The following INTS11 variants were observed in gnomAD, a reference collection of about 807,000 sequenced individuals.
INTS11 encodes the protein integrator complex subunit 11, also known as CPSF3-like protein.
A neutral mutation model predicts 78.6 loss-of-function variants in INTS11; 77 were observed. The ratio of observed to expected loss-of-function variants is 0.98; its 90% CI spans 0.81 to 1.18. The LOEUF (loss-of-function observed/expected upper bound fraction) is 1.18. Among genes scored for constraint, INTS11 ranks in the 50% most tolerant of loss-of-function variants. The pLI, the probability that INTS11 is intolerant of heterozygous loss-of-function variation, is 0.00. For synonymous variants in INTS11, 441 were observed against 326.9 expected (o/e 1.35, Z -3.77); for missense variants, 875 against 825.9 (o/e 1.06, Z -0.73).
intron 1 of INTS11, chr1:1,321,908 C>CA: frequency 7.5e-7 from 1 of 1,331,378 alleles, no homozygotes; most frequent in South Asian, 1.9e-5. Flanking sequence ...TCCCACCCAC[C>CA]TCCCCCTGCC....
In INTS11 at chr1:1,314,677, A is replaced by G. The variant is rs1296329948; in HGVS notation, c.702+147T>C. On this transcript the variant is annotated intron_variant, in intron 7 of 16. Coordinates refer to ENST00000435064, the MANE Select transcript of INTS11 (RefSeq NM_017871.6). The surrounding 1 kb of genome is among the most constrained non-coding windows in gnomAD (Gnocchi z 4.2). Reference sequence around the variant, plus strand: ...AAGGGTCTCTGAGTTTTCCTCCTCAATGTTGAGCAAATCTTCTTCCCTCCC... The same window carrying G: ...AAGGGTCTCTGAGTTTTCCTCCTCAGTGTTGAGCAAATCTTCTTCCCTCCC... The G allele has an allele frequency of 1.9e-6, 2 of 1,036,514 alleles. No homozygotes were observed. Among genetic ancestry groups the G allele is most frequent in the South Asian group, 3.2e-5 (2 of 63,112 alleles). The allele number at this position is 1,036,514 out of a possible 1,614,324, so 64.2% of individuals were successfully genotyped here. A position where few individuals can be genotyped will look rare whatever the true frequency, so the allele number is the denominator to read the frequency against.
At chr1:1,313,479 C>G (rs1222637187) in intron 10 of INTS11, 30 bp downstream of exon 10, 3 of 1,612,236 alleles carry the variant, frequency 1.9e-6, no homozygotes, top group South Asian at 1.1e-5. Context: ...CCTCCAGCTT[C>G]CAGATTCCCA....
intron 2 of INTS11, chr1:1,320,792 T>C (rs1406833125): frequency 5.6e-6 from 4 of 714,930 alleles, no homozygotes; most frequent in Non-Finnish European, 2.5e-6. Flanking sequence ...ACCCCGGGGC[T>C]GGGGCTCAGC....
rs1642821211 is a variant in INTS11 at position 1,319,514 on chromosome 1, G to C, written c.211C>G (p.Leu71Val). 1 of 1,578,840 alleles carries C rather than the reference G, an allele frequency of 6.3e-7. No homozygotes were observed. ...TAGGGGAGTGCCCCGCAGTGGTCCAGGTGGAAGTGGCTAGGGGGACGCAGC... is the reference window on the plus strand; with the variant it reads ...TAGGGGAGTGCCCCGCAGTGGTCCACGTGGAAGTGGCTAGGGGGACGCAGC... ...LDCVIISHFH[L>V]DHCGALPYFS... Residue 71 changes from leucine to valine, a missense_variant, in exon 4 of 17, where the codon CTG becomes GTG. Physicochemically the swap from Leu to Val is conservative, Grantham distance 32 (BLOSUM62 1). Transcript: ENST00000435064.
At position 1,314,959 on chromosome 1, in the gene INTS11, A is replaced by G; in HGVS notation, c.567T>C (p.Ala189=). ...YNMTPDRHLG[A]AWIDKCRPNL... Reference sequence around the variant, plus strand: ...TGGGGCGGCACTTGTCAATCCAGGCAGCTCTGGAACACGGGGGTGGGGGTG... The same window carrying G: ...TGGGGCGGCACTTGTCAATCCAGGCGGCTCTGGAACACGGGGGTGGGGGTG... The change falls in exon 7 of 17, where the codon GCT becomes GCC. Residue 189 remains alanine, a synonymous_variant. Transcript: ENST00000435064. The surrounding 1 kb of genome is among the most constrained non-coding windows in gnomAD (Gnocchi z 4.2). 1 of 1,612,258 alleles carries G rather than the reference A, an allele frequency of 6.2e-7. No individual in the cohort carries two copies. Among genetic ancestry groups the G allele is most frequent in the South Asian group, 1.1e-5 (1 of 91,078 alleles).
Position 1,312,600 on chromosome 1 carries a change from C to T in INTS11, c.1395G>A (p.Met465Ile), listed in dbSNP as rs201141529. The change falls in exon 13 of 17, where the codon ATG becomes ATA. Residue 465 changes from methionine to isoleucine, a missense_variant. Coordinates refer to ENST00000435064, the MANE Select transcript of INTS11 (RefSeq NM_017871.6). ...GISLGLLKRE[M>I]AQGLLPEAKK... Reference sequence around the variant, plus strand: ...CCTGCCCAGCCCGCATACCCTGCGCCATCTCCCGCTTCAGCAGCCCCAGCG... The same window carrying T: ...CCTGCCCAGCCCGCATACCCTGCGCTATCTCCCGCTTCAGCAGCCCCAGCG... The T allele has an allele frequency of 8.3e-6, 13 of 1,573,888 alleles. No individual in the cohort carries two copies. The East Asian group carries it at 1.6e-4, about 19-fold the overall frequency.
In INTS11 at chr1:1,312,208, G is replaced by GGGGC; in HGVS notation, c.1607+17_1607+18insGCCC. The GGGGC allele has an allele frequency of 8.9e-7, 1 of 1,123,370 alleles. No homozygotes were observed. Among genetic ancestry groups the GGGGC allele is most frequent in the Non-Finnish European group, 1.2e-6 (1 of 801,332 alleles). 69.6% of individuals were successfully genotyped at this position (1,123,370 alleles called of 1,614,324 possible). A position where few individuals can be genotyped will look rare whatever the true frequency, so the allele number is the denominator to read the frequency against. The stretch of plus-strand genomic sequence containing the variant: ...CAGGGCCCAAGGGAGTGGGGGGGGG[G>GGGGC]CGGGGCCGGGCGCCCACCTCTTGAG... On this transcript the variant is annotated intron_variant, in intron 15 of 16. Coordinates refer to ENST00000435064, the MANE Select transcript of INTS11 (RefSeq NM_017871.6).
In INTS11 at chr1:1,313,140, G is replaced by C; in HGVS notation, c.1042-16C>G. On this transcript the variant is annotated splice_polypyrimidine_tract_variant and intron_variant, in intron 10 of 16. Transcript: ENST00000435064. ...GCATGATGACCTGGGGGCAGGCACA[G>C]AGCTCACAGCCAGGGAACTCCAGCC... 2 of 1,600,798 alleles carry C rather than the reference G, an allele frequency of 1.2e-6. No homozygotes were observed. Among genetic ancestry groups the C allele is most frequent in the South Asian group, 1.1e-5 (1 of 90,312 alleles).
At chr1:1,322,867 A>G in intron 1 of INTS11, 1 of 1,174,040 alleles carries the variant, frequency 8.5e-7, no homozygotes, top group Non-Finnish European at 1.1e-6. Context: ...GAAGCGGTGA[A>G]ACAGGACTTC....
At chr1:1,316,219 T>A (rs1282350156) in intron 4 of INTS11, 2 of 173,074 alleles carry the variant, frequency 1.2e-5, no homozygotes, top group Non-Finnish European at 1.2e-5. Flanking sequence ...GAAGTGGAGG[T>A]TGCAGTGTAC....
chr1:1,313,815 T>A lies in INTS11; in HGVS notation c.874A>T (p.Lys292Ter). The A allele has an allele frequency of 6.2e-7, 1 of 1,613,522 alleles. No individual in the cohort carries two copies. The highest frequency in any genetic ancestry group is 8.5e-7 in the Non-Finnish European group (1 of 1,179,984). ...FIPWTNQKIR[K>*]TFVQRNMFEF... ...AACATGTTCCTCTGCACGAAAGTCT[T>A]GCGGATCTTCTGGTTGGTCCAGGGG... Residue 292 changes from lysine (K) to a stop codon, truncating the protein, a stop_gained, in exon 9 of 17, where the codon AAG (lysine) becomes TAG (stop). Coordinates refer to ENST00000435064, the MANE Select transcript of INTS11 (RefSeq NM_017871.6). LOFTEE classifies it high-confidence loss of function.
intron 1 of INTS11, chr1:1,321,897 A>AAACCCCCCC: frequency 1.6e-6 from 2 of 1,258,202 alleles, no homozygotes; most frequent in Non-Finnish European, 2.1e-6. Flanking sequence ...TTCCCCTTGA[A>AAACCCCCCC]TCCCACCCAC....
rs781673681 is a variant in INTS11, at chr1:1,312,377, C to T, written c.1465-9G>A. The T allele has an allele frequency of 1.2e-5, 19 of 1,567,082 alleles. No individual in the cohort carries two copies. Among genetic ancestry groups the T allele is most frequent in the Non-Finnish European group, 1.6e-5 (19 of 1,155,552 alleles). On this transcript the variant is annotated splice_polypyrimidine_tract_variant and intron_variant, in intron 14 of 16. Coordinates refer to ENST00000435064, the MANE Select transcript of INTS11 (RefSeq NM_017871.6). Reference sequence around the variant, plus strand: ...GACACCAGCCGGAAGTTCTGTGGGGCAGGGACAGGTCAGTGAGCGCAGCAG... The same window carrying T: ...GACACCAGCCGGAAGTTCTGTGGGGTAGGGACAGGTCAGTGAGCGCAGCAG...
chr1:1,313,785 A>T lies in INTS11; in HGVS notation c.904T>A (p.Phe302Ile), dbSNP rs1435801016. 1 of 1,613,222 alleles carries T rather than the reference A, an allele frequency of 6.2e-7. No individual in the cohort carries two copies. Among genetic ancestry groups the T allele is most frequent in the Non-Finnish European group, 8.5e-7 (1 of 1,179,954 alleles). Residue 302 changes from phenylalanine to isoleucine, a missense_variant, in exon 9 of 17, where the codon TTC becomes ATC. Coordinates refer to ENST00000435064, the MANE Select transcript of INTS11 (RefSeq NM_017871.6). ...KTFVQRNMFE[F>I]KHIKAFDRAF... The stretch of plus-strand genomic sequence containing the variant: ...CGGTCGAAGGCCTTGATGTGCTTGA[A>T]CTCAAACATGTTCCTCTGCACGAAA...
rs771986723 is a variant in INTS11 at position 1,315,285 on chromosome 1, C to T, written c.563+119G>A. 3.9e-4 allele frequency: 498 copies of T among 1,269,656 alleles called. 1 individual carries two copies. Among genetic ancestry groups the T allele is most frequent in the Non-Finnish European group, 5.5e-4 (486 of 885,720 alleles). 78.6% of individuals were successfully genotyped at this position (1,269,656 alleles called of 1,614,324 possible). A position where few individuals can be genotyped will look rare whatever the true frequency, so the allele number is the denominator to read the frequency against. ...CCAGAACGAAGGGGGCTCTCCAGGC[C>T]GCACAGGACATGGGAGACACTGCCA... On this transcript the variant is annotated intron_variant, in intron 6 of 16. Coordinates refer to ENST00000435064, the MANE Select transcript of INTS11 (RefSeq NM_017871.6).
At chr1:1,320,324 C>A in intron 3 of INTS11, 132 bp downstream of exon 3, 1 of 808,764 alleles carries the variant, frequency 1.2e-6, no homozygotes, top group Non-Finnish European at 2.1e-6. Flanking sequence ...GGAGCAGATC[C>A]TGGGGCCTAG....
chr1:1,318,966 C>T (rs754527160), intron 4 of INTS11: 22 of 717,170 alleles, frequency 3.1e-5, no homozygotes, highest in South Asian at 2.2e-4. Flanking sequence ...GGAGCTCCAG[C>T]GAGTCTCTGG....
Position 1,312,213 on chromosome 1 carries a change from G to GCCCCCCCCCCCCCCCCCCCCCCCC in INTS11, c.1607+12_1607+13insGGGGGGGGGGGGGGGGGGGGGGGG. ...CCCAAGGGAGTGGGGGGGGGGCGGG[G>GCCCCCCCCCCCCCCCCCCCCCCCC]CCGGGCGCCCACCTCTTGAGGTGGC... On this transcript the variant is annotated intron_variant, in intron 15 of 16. Transcript: ENST00000435064. 1 of 934,600 alleles carries GCCCCCCCCCCCCCCCCCCCCCCCC rather than the reference G, an allele frequency of 1.1e-6. No individual in the cohort carries two copies. The highest frequency in any genetic ancestry group is 1.6e-6 in the Non-Finnish European group (1 of 636,654). The allele number at this position is 934,600 out of a possible 1,614,324, so 57.9% of individuals were successfully genotyped here.
At position 1,315,369 on chromosome 1, in the gene INTS11, G is replaced by A. The variant is rs201419514; in HGVS notation, c.563+35C>T. 7.3e-5 allele frequency: 118 copies of A among 1,612,576 alleles called. 1 individual carries two copies. In the East Asian group the frequency reaches 2.6e-3, roughly 35 times the overall value. On this transcript the variant is annotated intron_variant, in intron 6 of 16. Transcript: ENST00000435064. ...TGCAAGGGTCCTGAGCTCCAGGGGGGCCCACGGGACAAAAAGACACCTCAG... is the reference window on the plus strand; with the variant it reads ...TGCAAGGGTCCTGAGCTCCAGGGGGACCCACGGGACAAAAAGACACCTCAG...
Sources: allele counts gnomAD v4.1 joint callset, GRCh38; gene constraint gnomAD v4.1.1; non-coding constraint Gnocchi (gnomAD v3.1); transcripts MANE v1.5; gene names NCBI Gene and HGNC (gene_info 2026-07-23, HGNC 2026-07-21).